BEST3: variants seen among roughly 807,000 people sequenced by gnomAD.
BEST3 encodes bestrophin-3.
A neutral mutation model predicts 47.1 loss-of-function variants in BEST3; 50 were observed. The observed-to-expected ratio is 1.06, with a 90% CI of 0.85 to 1.34. The LOEUF is 1.34. Among genes scored for constraint, BEST3 ranks in the 40% most tolerant of loss-of-function variants. The pLI is 0.00. For missense variants in BEST3, 765 were observed against 817.0 expected (o/e 0.94, Z 0.78); for synonymous variants, 282 against 298.8 (o/e 0.94, Z 0.58).
downstream of BEST3, among the ~76,000 whole-genome samples, chr12:69,650,786 A>G (rs977936671): frequency 1.3e-5 from 2 of 152,166 alleles, no homozygotes; most frequent in Non-Finnish European, 2.9e-5. Context: ...ATTCATTGCC[A>G]TGGTGATGAG....
At chr12:69,698,538 A>G (rs760165127) in intron 1 of BEST3, among the ~76,000 whole-genome samples, 113 of 152,230 alleles carry the variant, frequency 7.4e-4, no homozygotes, top group Admixed American at 7.2e-4. Context: ...ATTTCTGGCT[A>G]AGATAGAACA....
rs760299340 is a variant in BEST3, at chr12:69,671,448, C to T, written c.1080G>A (p.Leu360=). 1 of 1,613,744 alleles carries T rather than the reference C, an allele frequency of 6.2e-7. No individual in the cohort carries two copies. Among genetic ancestry groups the T allele is most frequent in the Admixed American group, 1.7e-5 (1 of 59,980 alleles). ...CTTACCCCATCTGGACTGTTGACCC[C>T]AGAAATGAGGGTATGCAGTAGTCAG... ...AAADYCIPSF[L]GSTVQMGLSG... The change falls in exon 9 of 10, where the codon CTG becomes CTA. Residue 360 remains leucine, a synonymous_variant. Transcript: ENST00000330891.
At chr12:69,663,552 G>T (rs1883997077) in intron 9 of BEST3, among the ~76,000 whole-genome samples, 1 of 152,110 alleles carries the variant, frequency 6.6e-6, no homozygotes, top group Admixed American at 6.5e-5. Context: ...ATCAAGGCTG[G>T]GTACGGTGGC....
At position 69,686,807 on chromosome 12, in the gene BEST3, G is replaced by T. The variant is rs28409983; in HGVS notation, c.481+6867C>A. ...AAAAAAAAGAAAGAAAAGAAAAAAAGAAAGAAGGAAAATATGCTGACCAAC... is the reference window on the plus strand; with the variant it reads ...AAAAAAAAGAAAGAAAAGAAAAAAATAAAGAAGGAAAATATGCTGACCAAC... On this transcript the variant is annotated intron_variant, in intron 4 of 9. Transcript: ENST00000330891. Among the ~76,000 whole-genome samples, 447 of 137,370 alleles carry T rather than the reference G, an allele frequency of 3.3e-3. 8 individuals carry two copies. In the East Asian group the frequency reaches 0.055, roughly 17 times the overall value. The allele number at this position is 137,370 out of a possible 152,430, so 90.1% of individuals were successfully genotyped here. A position where few individuals can be genotyped will look rare whatever the true frequency, so the allele number is the denominator to read the frequency against.
intron 4 of BEST3, among the ~76,000 whole-genome samples, chr12:69,686,258 C>T (rs1885580351): frequency 6.6e-6 from 1 of 151,026 alleles, no homozygotes; most frequent in South Asian, 2.1e-4. Context: ...GTGAATGTTA[C>T]ATAATATGTT....
At chr12:69,666,989 C>T (rs1884262174) in intron 9 of BEST3, among the ~76,000 whole-genome samples, 1 of 152,312 alleles carries the variant, frequency 6.6e-6, no homozygotes, top group Non-Finnish European at 1.5e-5. Flanking sequence ...TGGCTCTGGT[C>T]TTATCCTCAG....
intron 4 of BEST3, among the ~76,000 whole-genome samples, chr12:69,685,003 T>G (rs1885486940): frequency 6.6e-6 from 1 of 151,448 alleles, no homozygotes; most frequent in Admixed American, 6.6e-5. Flanking sequence ...TCTATTCTAT[T>G]CTATTCTATT....
intron 9 of BEST3, among the ~76,000 whole-genome samples, chr12:69,662,418 C>T (rs1235266719): frequency 6.6e-6 from 1 of 152,104 alleles, no homozygotes; most frequent in Non-Finnish European, 1.5e-5. Flanking sequence ...TTTAACCACA[C>T]TTTAATAAAG....
At chr12:69,652,925 G>A (rs372576949), downstream of BEST3, among the ~76,000 whole-genome samples, 7 of 152,142 alleles carry the variant, frequency 4.6e-5, no homozygotes, top group African/African-American at 1.7e-4. Flanking sequence ...TAGTGCTTTG[G>A]GAATAACGGG....
intron 7 of BEST3, among the ~76,000 whole-genome samples, chr12:69,676,462 A>G (rs964157981): frequency 1.3e-5 from 2 of 151,760 alleles, no homozygotes; most frequent in Admixed American, 1.3e-4. Context: ...ATGTTGTGGG[A>G]CACCTAGCAG....
At chr12:69,658,394 C>T (rs1277007622) in intron 9 of BEST3, among the ~76,000 whole-genome samples, 2 of 152,108 alleles carry the variant, frequency 1.3e-5, no homozygotes, top group Admixed American at 6.6e-5. Flanking sequence ...AGACAAGTTG[C>T]AACAAGCAAA....
intron 4 of BEST3, among the ~76,000 whole-genome samples, chr12:69,687,727 G>T (rs1592371026): frequency 1.3e-5 from 2 of 151,070 alleles, no homozygotes; most frequent in East Asian, 3.9e-4. Context: ...TTCCTCAGAG[G>T]TTACTGTCTT....
chr12:69,682,397 T>C (rs1324185135), intron 4 of BEST3, among the ~76,000 whole-genome samples: 1 of 152,214 alleles, frequency 6.6e-6, no homozygotes, highest in East Asian at 1.9e-4. Flanking sequence ...GGGTTATTTA[T>C]ACTAGCTTAG....
At chr12:69,682,587 T>C (rs560095593) in intron 4 of BEST3, among the ~76,000 whole-genome samples, 14 of 152,246 alleles carry the variant, frequency 9.2e-5, no homozygotes, top group Non-Finnish European at 1.8e-4. Context: ...TTTTTTCAAT[T>C]TTTAATGGGA....
intron 7 of BEST3, 123 bp from the exon 8 acceptor site, chr12:69,673,088 G>A: frequency 4.3e-6 from 3 of 692,346 alleles, no homozygotes; most frequent in Non-Finnish European, 7.3e-6. Flanking sequence ...AAGAGTAGAG[G>A]GGAGTAGATT....
At chr12:69,688,895 G>A (rs1307914849) in intron 4 of BEST3, among the ~76,000 whole-genome samples, 3 of 152,262 alleles carry the variant, frequency 2.0e-5, no homozygotes, top group East Asian at 1.9e-4. Context: ...GAGTGGTATC[G>A]TGGGATCCAA....
rs778923125 is a variant in BEST3 at position 69,655,336 on chromosome 12, G to T, written c.1578C>A (p.Ile526=). The part of the protein sequence containing the change: ...GGYHHDSATS[I]LSSEFTGVQP... The stretch of plus-strand genomic sequence containing the variant: ...GAACCCCTGTAAACTCAGAGCTCAA[G>T]ATGGAGGTAGCGGAATCATGGTGGT... The change falls in exon 10 of 10, where the codon ATC becomes ATA. Residue 526 remains isoleucine (I), a synonymous_variant. Transcript: ENST00000330891. The T allele has an allele frequency of 6.2e-7, 1 of 1,614,070 alleles. No homozygotes were observed. Among genetic ancestry groups the T allele is most frequent in the African/African-American group, 1.3e-5 (1 of 74,922 alleles).
chr12:69,670,691 G>A, intron 9 of BEST3: 1 of 541,314 alleles, frequency 1.8e-6, no homozygotes, highest in Non-Finnish European at 3.3e-6. Flanking sequence ...GCAGGCCTCA[G>A]GGAACTATGA....
At chr12:69,694,301 G>A in intron 3 of BEST3, 69 bp downstream of exon 3, 2 of 951,350 alleles carry the variant, frequency 2.1e-6, no homozygotes, top group Non-Finnish European at 1.6e-6. Context: ...ACACTCCCAT[G>A]CAGAGTCATC....
Sources: allele counts gnomAD v4.1 joint callset (sites outside exome capture counted in the v4.1 genomes callset), GRCh38; gene constraint gnomAD v4.1.1; transcripts MANE v1.5; gene names NCBI Gene and HGNC (gene_info 2026-07-23, HGNC 2026-07-21).